BLTP1: variants seen among roughly 807,000 people sequenced by gnomAD.
BLTP1 encodes fragile site-associated protein.
At chr4:122,218,817 AAC>A in the BLTP1 span, among the ~76,000 whole-genome samples, 1 of 152,230 alleles carries the variant, frequency 6.6e-6, no homozygotes, top group Admixed American at 6.5e-5. Flanking sequence ...AATTGTTGGT[AAC>A]ACATGCCTTT....
At chr4:122,218,557 C>A in the BLTP1 span, among the ~76,000 whole-genome samples, 66 of 152,194 alleles carry the variant, frequency 4.3e-4, no homozygotes, top group African/African-American at 1.6e-3. Flanking sequence ...TGTCAATAAC[C>A]AAAGTGCAGA....
the BLTP1 span, chr4:122,345,182 G>A: frequency 3.4e-6 from 1 of 292,782 alleles, no homozygotes; most frequent in East Asian, 1.7e-4. Flanking sequence ...ACCTGAGATT[G>A]CTAGGTGATT....
chr4:122,334,911 GT>G, the BLTP1 span, among the ~76,000 whole-genome samples: 11 of 152,136 alleles, frequency 7.2e-5, no homozygotes, highest in East Asian at 2.1e-3. Context: ...TTACTTCTCT[GT>G]TGTATAACAC....
At chr4:122,353,446 A>C in the BLTP1 span, among the ~76,000 whole-genome samples, 1 of 152,212 alleles carries the variant, frequency 6.6e-6, no homozygotes, top group East Asian at 1.9e-4. This position sits in a 1 kb window ranked among gnomAD's most constrained non-coding sequence, Gnocchi z 4.3. Context: ...TGAAGGCAAC[A>C]TAGTGGTAGT....
the BLTP1 span, among the ~76,000 whole-genome samples, chr4:122,358,543 A>G: frequency 2.0e-5 from 3 of 152,208 alleles, no homozygotes; most frequent in Non-Finnish European, 4.4e-5. Context: ...CTATACCAGA[A>G]TCAACATATT....
At chr4:122,199,485 T>A in the BLTP1 span, 2 of 1,501,040 alleles carry the variant, frequency 1.3e-6, no homozygotes, top group Non-Finnish European at 1.8e-6. Flanking sequence ...TACATACTTG[T>A]ATGAAAAACA....
At chr4:122,188,996 A>G in the BLTP1 span, 9 of 985,098 alleles carry the variant, frequency 9.1e-6, no homozygotes, top group Non-Finnish European at 1.1e-5. Flanking sequence ...TCACTCTTCA[A>G]GATCATGGAC....
the BLTP1 span, chr4:122,274,497 T>C: frequency 1.3e-6 from 2 of 1,555,338 alleles, no homozygotes; most frequent in African/African-American, 2.8e-5. Flanking sequence ...GGAAATTCTT[T>C]GGATAAACAT....
the BLTP1 span, among the ~76,000 whole-genome samples, chr4:122,278,499 T>C: frequency 6.6e-6 from 1 of 152,196 alleles, no homozygotes; most frequent in Non-Finnish European, 1.5e-5. Flanking sequence ...CTGGTAAAGC[T>C]TTCCCGAGCA....
chr4:122,295,211 T>A, the BLTP1 span, among the ~76,000 whole-genome samples: 1 of 151,936 alleles, frequency 6.6e-6, no homozygotes, highest in Non-Finnish European at 1.5e-5. Flanking sequence ...CCAGGAGAAC[T>A]TCCCCAACTG....
chr4:122,207,720 C>T, the BLTP1 span: 1 of 1,180,676 alleles, frequency 8.5e-7, no homozygotes, highest in Non-Finnish European at 1.2e-6. Context: ...ACTCTCTTCT[C>T]CCCAGTCCAT....
At chr4:122,214,269 C>G in the BLTP1 span, 1 of 937,002 alleles carries the variant, frequency 1.1e-6, no homozygotes. Flanking sequence ...CACTCATATA[C>G]CAAAATACCA....
chr4:122,223,362 A>G, the BLTP1 span, among the ~76,000 whole-genome samples: 1 of 152,182 alleles, frequency 6.6e-6, no homozygotes, highest in Non-Finnish European at 1.5e-5. Flanking sequence ...AGGTTGAGAA[A>G]TAATTTGCGA....
At chr4:122,284,814 G>A in the BLTP1 span, among the ~76,000 whole-genome samples, 14 of 152,126 alleles carry the variant, frequency 9.2e-5, no homozygotes, top group South Asian at 2.1e-4. Context: ...TCATAGGAGT[G>A]TATGTATAGG....
At chr4:122,344,722 C>G in the BLTP1 span, 1 of 1,260,058 alleles carries the variant, frequency 7.9e-7, no homozygotes, top group Non-Finnish European at 1.0e-6. Flanking sequence ...CTGTGTCAAT[C>G]CAAGTAATAA....
At chr4:122,307,415 C>T in the BLTP1 span, 1 of 944,556 alleles carries the variant, frequency 1.1e-6, no homozygotes, top group Non-Finnish European at 1.3e-6. Context: ...ACTTCTCTGG[C>T]CTCTCCATCT....
At chr4:122,247,685 T>A in the BLTP1 span, 6 of 1,050,102 alleles carry the variant, frequency 5.7e-6, no homozygotes, top group Non-Finnish European at 6.9e-6. Flanking sequence ...ATCTTTATAG[T>A]CTTTCTTATT....
chr4:122,207,332 A>G, the BLTP1 span: 2 of 1,444,662 alleles, frequency 1.4e-6, no homozygotes, highest in East Asian at 2.3e-5. Flanking sequence ...TAAGAAAATT[A>G]GTATTGATTT....
At chr4:122,179,714 G>T in the BLTP1 span, 58 of 351,550 alleles carry the variant, frequency 1.6e-4, no homozygotes, top group Admixed American at 2.6e-4. Flanking sequence ...AAATGGGCGT[G>T]CACATATAGG....
Sources: gnomAD v4.1 joint callset for allele counts (sites outside exome capture counted in the v4.1 genomes callset) on GRCh38, gnomAD v4.1.1 for gene constraint, Gnocchi (gnomAD v3.1) non-coding constraint, MANE v1.5 for transcripts, NCBI Gene and HGNC (gene_info 2026-07-23, HGNC 2026-07-21) for gene names.